The following DNAJA1 variants were observed in gnomAD, a reference collection of about 807,000 sequenced individuals.
The protein encoded by DNAJA1 is DnaJ heat shock protein family (Hsp40) member A1.
A neutral mutation model predicts 47.6 loss-of-function variants in DNAJA1; 26 were observed. The ratio of observed to expected loss-of-function variants is 0.55; its 90% CI spans 0.40 to 0.76. The LOEUF is 0.76. DNAJA1 is among the 30% of genes least tolerant of loss of function. The pLI is 0.00. For synonymous variants in DNAJA1, 165 were observed against 158.4 expected (o/e 1.04, Z -0.31); for missense variants, 315 against 485.0 (o/e 0.65, Z 3.29).
intron 1 of DNAJA1, among the ~76,000 whole-genome samples, chr9:33,025,799 G>T (rs547253710): frequency 6.6e-6 from 1 of 152,310 alleles, no homozygotes; most frequent in African/African-American, 2.4e-5. Context: ...TTTTGGTTTC[G>T]CTTTCTCTGT....
chr9:33,028,241 C>T (rs1838906109), intron 3 of DNAJA1, among the ~76,000 whole-genome samples: 1 of 152,098 alleles, frequency 6.6e-6, no homozygotes, highest in Non-Finnish European at 1.5e-5. Flanking sequence ...AAAACTGGTT[C>T]GTTGCCTGCC....
At chr9:33,034,999 G>GCC (rs3065219) in intron 6 of DNAJA1, among the ~76,000 whole-genome samples, 28,183 of 149,276 alleles carry the variant, frequency 0.19, 2,922 homozygotes, top group Middle Eastern at 0.28. Flanking sequence ...TTATGATCAT[G>GCC]CCACTGCATT....
intron 3 of DNAJA1, among the ~76,000 whole-genome samples, chr9:33,027,398 T>G (rs1043110524): frequency 1.3e-5 from 2 of 151,998 alleles, no homozygotes; most frequent in Non-Finnish European, 2.9e-5. Context: ...CAGGTGGTGA[T>G]CCACCTGCCT....
chr9:33,030,944 A>T (rs1838951777), intron 5 of DNAJA1, among the ~76,000 whole-genome samples: 1 of 152,234 alleles, frequency 6.6e-6, no homozygotes. Flanking sequence ...ATAGTGTTCC[A>T]AACTTAATTC....
intron 8 of DNAJA1, chr9:33,037,329 AAAATT>A (rs1191009769): frequency 2.9e-6 from 1 of 344,938 alleles, no homozygotes; most frequent in Non-Finnish European, 5.4e-6. Context: ...AAAAAAAAAA[AAAATT>A]AAAATTTCTG....
chr9:33,030,211 T>G (rs1838939142), intron 4 of DNAJA1, among the ~76,000 whole-genome samples: 1 of 151,558 alleles, frequency 6.6e-6, no homozygotes, highest in South Asian at 2.1e-4. Context: ...ACAGTTGGGA[T>G]CAAGCTAGTT....
At chr9:33,035,463 T>G (rs888376609) in intron 6 of DNAJA1, among the ~76,000 whole-genome samples, 3 of 150,750 alleles carry the variant, frequency 2.0e-5, no homozygotes, top group African/African-American at 7.3e-5. Flanking sequence ...TTAAAGATGT[T>G]TTATTTATTT....
chr9:33,035,031 A>G (rs373341823), intron 6 of DNAJA1, among the ~76,000 whole-genome samples: 15 of 137,664 alleles, frequency 1.1e-4, no homozygotes, highest in African/African-American at 4.1e-4. Flanking sequence ...GACAGTAAGA[A>G]CCCACCTTTT....
At chr9:33,030,114 G>A (rs758854606) in intron 4 of DNAJA1, 125 bp downstream of exon 4, 9 of 894,778 alleles carry the variant, frequency 1.0e-5, no homozygotes, top group Non-Finnish European at 1.5e-5. Context: ...TAGATTTTGG[G>A]GGAGGAGAGG....
At chr9:33,033,774 C>CTTCTA (rs1459565356) in intron 5 of DNAJA1, among the ~76,000 whole-genome samples, 31 of 152,272 alleles carry the variant, frequency 2.0e-4, no homozygotes, top group Non-Finnish European at 2.9e-5. Context: ...TGCTGTTAGA[C>CTTCTA]TTTTAATAGA....
At chr9:33,036,812 C>T (rs758148205) in intron 7 of DNAJA1, 123 bp downstream of exon 7, 18 of 813,896 alleles carry the variant, frequency 2.2e-5, no homozygotes, top group Admixed American at 2.0e-4. Flanking sequence ...GGTTACATAT[C>T]CTTCTCTGGG....
chr9:33,026,630 A>G lies in DNAJA1; in HGVS notation c.132+14A>G. 1 of 1,595,190 alleles carries G rather than the reference A, an allele frequency of 6.3e-7. No individual in the cohort carries two copies. Among genetic ancestry groups the G allele is most frequent in the African/African-American group, 1.4e-5 (1 of 73,212 alleles). ...GAAGGAGAGAAGGTGAATAGTATCT[A>G]CTCTTAAACGTATCTGAATAGTTCT... is the stretch of plus-strand genomic sequence containing the variant. On this transcript the variant is annotated intron_variant, in intron 2 of 8. Transcript: ENST00000330899.
In DNAJA1 at chr9:33,026,545, G is replaced by C. The variant is rs753974164; in HGVS notation, c.61G>C (p.Glu21Gln). 1.2e-6 allele frequency: 2 copies of C among 1,610,508 alleles called. No homozygotes were observed. The part of the protein sequence containing the change: ...LGVKPNATQE[E>Q]LKKAYRKLAL... Reference sequence around the variant, plus strand: ...GGTCAAACCCAATGCTACTCAGGAAGAATTGAAAAAGGCTTATAGGAAACT... The same window carrying C: ...GGTCAAACCCAATGCTACTCAGGAACAATTGAAAAAGGCTTATAGGAAACT... Residue 21 changes from glutamate to glutamine, a missense_variant, in exon 2 of 9, where the codon GAA (glutamate) becomes CAA (glutamine). Glu to Gln is a conservative substitution (Grantham distance 29). Around this residue, in one of 4 missense-constraint regions of DNAJA1, gnomAD observed 100 missense variants for 163.0 expected, o/e 0.61. Coordinates refer to ENST00000330899, the MANE Select transcript of DNAJA1 (RefSeq NM_001539.4).
At chr9:33,036,772 A>C in intron 7 of DNAJA1, 83 bp downstream of exon 7, 2 of 975,850 alleles carry the variant, frequency 2.0e-6, no homozygotes, top group Non-Finnish European at 3.1e-6. Flanking sequence ...TAGTATAGGC[A>C]CTGAGGGAAA....
chr9:33,034,402 GT>G, intron 6 of DNAJA1, 72 bp downstream of exon 6: 13 of 1,223,602 alleles, frequency 1.1e-5, no homozygotes, highest in Non-Finnish European at 1.4e-5. Context: ...TTGTTTTTTT[GT>G]TTTTTTTAAA....
At chr9:33,038,294 C>T (rs780585108) in intron 8 of DNAJA1, among the ~76,000 whole-genome samples, 2 of 152,142 alleles carry the variant, frequency 1.3e-5, no homozygotes, top group Non-Finnish European at 1.5e-5. Context: ...TGAGCCACCG[C>T]GCCTGGCCTA....
intron 3 of DNAJA1, among the ~76,000 whole-genome samples, chr9:33,028,954 G>A (rs983717134): frequency 6.6e-6 from 1 of 152,188 alleles, no homozygotes; most frequent in African/African-American, 2.4e-5. Flanking sequence ...TGGTGGAAAG[G>A]CAATAATATT....
rs200598202 is a variant in DNAJA1, at chr9:33,037,123, G to A, written c.975+8G>A. ...CTAATCATCGAATTTAAGGTAAGCT[G>A]TAATGTACTTTAAGAATACTTGAGA... On this transcript the variant is annotated splice_region_variant and intron_variant, in intron 8 of 8. Coordinates refer to ENST00000330899, the MANE Select transcript of DNAJA1 (RefSeq NM_001539.4). The A allele has an allele frequency of 9.5e-5, 153 of 1,608,368 alleles. 1 individual carries two copies. The highest frequency in any genetic ancestry group is 5.0e-4 in the Middle Eastern group (3 of 6,034).
At chr9:33,028,257 T>C (rs954828408) in intron 3 of DNAJA1, among the ~76,000 whole-genome samples, 2 of 152,168 alleles carry the variant, frequency 1.3e-5, no homozygotes, top group African/African-American at 2.4e-5. Flanking sequence ...CTGCCATCTA[T>C]CTATTCTTGT....
Sources: allele counts gnomAD v4.1 joint callset (sites outside exome capture counted in the v4.1 genomes callset), GRCh38; gene constraint gnomAD v4.1.1; regional missense constraint gnomAD v4.1.1; transcripts MANE v1.5; gene names NCBI Gene and HGNC (gene_info 2026-07-23, HGNC 2026-07-21).